PPP1R2: variants seen among roughly 807,000 people sequenced by gnomAD.
The protein encoded by PPP1R2 is protein phosphatase 1 regulatory inhibitor subunit 2.
A neutral mutation model predicts 29.9 loss-of-function variants in PPP1R2; 16 were observed. That is an observed-to-expected ratio of 0.53 (90% CI 0.36 to 0.81). PPP1R2 has a LOEUF of 0.81. Ranked by LOEUF, PPP1R2 falls within the 30% of genes least tolerant of loss-of-function variation. The probability of loss-of-function intolerance (pLI) is 0.00; values close to 1 mark genes in which losing one functional copy is unlikely to be tolerated. For missense variants in PPP1R2, 197 were observed against 252.7 expected, an observed-to-expected ratio of 0.78 and a Z score of 1.49; for synonymous variants, 76 against 91.5, an observed-to-expected ratio of 0.83 and a Z score of 0.96.
rs568108467 is a variant in PPP1R2, at chr3:195,515,726, C to A, written c.*1170G>T. On this transcript the variant is annotated 3_prime_UTR_variant, in exon 6 of 6. Coordinates refer to ENST00000618156, the MANE Select transcript of PPP1R2 (RefSeq NM_006241.8). ...GAATAATCATATCACTGGTTACATACAATTCTCATGCAAAGAAAACCCTCA... is the reference window on the plus strand; with the variant it reads ...GAATAATCATATCACTGGTTACATAAAATTCTCATGCAAAGAAAACCCTCA... 1.3e-5 allele frequency: 2 copies of A among 152,154 alleles called. No individual in the cohort carries two copies. Among genetic ancestry groups the A allele is most frequent in the African/African-American group, 4.8e-5 (2 of 41,532 alleles). The allele number at this position is 152,154 out of a possible 1,614,324, so 9.4% of individuals were successfully genotyped here. A position where few individuals can be genotyped will look rare whatever the true frequency, so the allele number is the denominator to read the frequency against.
chr3:195,542,834 C>T (rs2108958181), intron 1 of PPP1R2, 70 bp downstream of exon 1: 3 of 1,489,960 alleles, frequency 2.0e-6, no homozygotes, highest in Non-Finnish European at 2.7e-6. Flanking sequence ...CCCGCCCGCC[C>T]CTGGGGTCTG....
At chr3:195,532,215 CTT>C (rs146508182) in intron 1 of PPP1R2, among the ~76,000 whole-genome samples, 7 of 120,176 alleles carry the variant, frequency 5.8e-5, no homozygotes, top group Non-Finnish European at 6.7e-5. Context: ...TTTTCTTTTT[CTT>C]TTTTTTTTTT....
intron 1 of PPP1R2, among the ~76,000 whole-genome samples, chr3:195,541,392 G>A (rs184268887): frequency 1.3e-5 from 2 of 151,274 alleles, no homozygotes; most frequent in Admixed American, 6.6e-5. Flanking sequence ...TGAAAACCCT[G>A]AAGCTACATT....
intron 1 of PPP1R2, among the ~76,000 whole-genome samples, chr3:195,539,087 G>A (rs938312283): frequency 6.6e-6 from 1 of 152,152 alleles, no homozygotes; most frequent in Non-Finnish European, 1.5e-5. Context: ...TAAAAGGATG[G>A]CATCTTATAA....
intron 1 of PPP1R2, among the ~76,000 whole-genome samples, chr3:195,540,513 C>A (rs767051873): frequency 1.5e-4 from 23 of 152,162 alleles, no homozygotes; most frequent in Non-Finnish European, 3.2e-4. Flanking sequence ...ATGGTTTGAA[C>A]GTTTGTCCTC....
chr3:195,539,415 C>T (rs1378812313), intron 1 of PPP1R2, among the ~76,000 whole-genome samples: 4 of 152,144 alleles, frequency 2.6e-5, no homozygotes, highest in African/African-American at 9.7e-5. Context: ...GTAGAAACCA[C>T]TCATTAAAGA....
At chr3:195,519,719 T>C (rs1718680805) in intron 4 of PPP1R2, 1 of 152,134 alleles carries the variant, frequency 6.6e-6, no homozygotes, top group Admixed American at 6.5e-5. Flanking sequence ...AAGACATTGT[T>C]GGCTAAAAAC....
intron 1 of PPP1R2, among the ~76,000 whole-genome samples, chr3:195,536,788 C>CAAAAA (rs10717955): frequency 1.7e-4 from 12 of 72,474 alleles, no homozygotes; most frequent in South Asian, 4.2e-4. Flanking sequence ...AACTCCGTCT[C>CAAAAA]AAAAAAAAAA....
At chr3:195,518,226 T>C (rs1242230174) in intron 5 of PPP1R2, among the ~76,000 whole-genome samples, 1 of 151,886 alleles carries the variant, frequency 6.6e-6, no homozygotes, top group Non-Finnish European at 1.5e-5. Context: ...GCTGGGTGTC[T>C]AAGACTTAAA....
rs116765992 is a variant in PPP1R2, at chr3:195,527,279, G to A, written c.231-2383C>T. Among the ~76,000 whole-genome samples, 977 of 151,400 alleles carry A rather than the reference G, an allele frequency of 6.5e-3. 10 individuals carry two copies. Among genetic ancestry groups the A allele is most frequent in the African/African-American group, 0.022 (914 of 41,280 alleles). Reference sequence around the variant, plus strand: ...AGCTTGGCCAACACGGTGAAACCCTGTCAATACTAAAAATACAAAAACTAG... The same window carrying A: ...AGCTTGGCCAACACGGTGAAACCCTATCAATACTAAAAATACAAAAACTAG... On this transcript the variant is annotated intron_variant, in intron 2 of 5. Coordinates refer to ENST00000618156, the MANE Select transcript of PPP1R2 (RefSeq NM_006241.8).
intron 1 of PPP1R2, among the ~76,000 whole-genome samples, chr3:195,540,154 C>T (rs989064237): frequency 1.3e-5 from 2 of 152,170 alleles, no homozygotes; most frequent in Non-Finnish European, 2.9e-5. Context: ...CATTTGAGGT[C>T]CGTTAGCAGT....
chr3:195,534,716 T>C (rs1281624794), intron 1 of PPP1R2, among the ~76,000 whole-genome samples: 1 of 151,628 alleles, frequency 6.6e-6, no homozygotes, highest in Non-Finnish European at 1.5e-5. Context: ...AAAAGAGAGA[T>C]AGGGCATTAC....
intron 1 of PPP1R2, among the ~76,000 whole-genome samples, 200 bp downstream of exon 1, chr3:195,542,704 T>TA (rs768162560): frequency 0.061 from 8,887 of 144,554 alleles, 340 homozygotes; most frequent in South Asian, 0.18. Context: ...CCCAAATGCT[T>TA]AAAAAAAAAA....
Position 195,516,913 on chromosome 3 carries a change from T to G in PPP1R2, c.601A>C (p.Lys201Gln). 6.2e-7 allele frequency: 1 copy of G among 1,612,866 alleles called. No homozygotes were observed. The highest frequency in any genetic ancestry group is 1.1e-5 in the South Asian group (1 of 91,030). ...GSTPSDQQQN[K>Q]LRSS ...AATCTCGTCTATGAACTTCGTAATTTGTTTTGCTGTTGGTCACTTGGAGTA... is the reference window on the plus strand; with the variant it reads ...AATCTCGTCTATGAACTTCGTAATTGGTTTTGCTGTTGGTCACTTGGAGTA... The change falls in exon 6 of 6, where the codon AAA (lysine) becomes CAA (glutamine). Residue 201 changes from lysine (K) to glutamine (Q), a missense_variant. This residue lies in a region of PPP1R2 where 135 missense variants were observed against 163.0 expected (regional missense o/e 0.83). Coordinates refer to ENST00000618156, the MANE Select transcript of PPP1R2 (RefSeq NM_006241.8).
chr3:195,529,084 C>G (rs2686440), intron 2 of PPP1R2: 1 of 150,634 alleles, frequency 6.6e-6, no homozygotes, highest in East Asian at 1.9e-4. Context: ...ACCACGTTGG[C>G]CGGGCTGGTC....
chr3:195,520,026 T>A (rs367814519), intron 4 of PPP1R2, among the ~76,000 whole-genome samples: 8 of 152,326 alleles, frequency 5.3e-5, no homozygotes, highest in African/African-American at 1.9e-4. Context: ...TTTCTTTTTT[T>A]CAAGATGGAG....
chr3:195,529,626 C>T (rs1455154693), intron 2 of PPP1R2, 168 bp downstream of exon 2: 3 of 485,012 alleles, frequency 6.2e-6, no homozygotes, highest in East Asian at 6.7e-5. Flanking sequence ...TAAACTTACA[C>T]ATCACTTAAA....
At chr3:195,542,024 T>C (rs1482390681) in intron 1 of PPP1R2, among the ~76,000 whole-genome samples, 1 of 152,224 alleles carries the variant, frequency 6.6e-6, no homozygotes, top group African/African-American at 2.4e-5. Context: ...TAACTTTTCT[T>C]AAGCCTTATT....
At chr3:195,524,719 T>A (rs930463227) in intron 3 of PPP1R2, 100 bp downstream of exon 3, 1 of 1,129,024 alleles carries the variant, frequency 8.9e-7, no homozygotes, top group African/African-American at 1.6e-5. Context: ...TCAACAGCCT[T>A]TTCTTCCCGC....
Sources: allele counts gnomAD v4.1 joint callset (sites outside exome capture counted in the v4.1 genomes callset), GRCh38; gene constraint gnomAD v4.1.1; regional missense constraint gnomAD v4.1.1; transcripts MANE v1.5; gene names NCBI Gene and HGNC (gene_info 2026-07-23, HGNC 2026-07-21).